Variants in MTM1 observed in about 807,000 individuals in gnomAD.
MTM1 encodes the protein myotubularin.
A neutral mutation model predicts 52.1 loss-of-function variants in MTM1; 9 were observed. That is an observed-to-expected ratio of 0.17 (90% confidence interval 0.10 to 0.30). The LOEUF is 0.30. Among genes scored for constraint, MTM1 ranks in the 10% least tolerant of loss-of-function variants. The probability of loss-of-function intolerance (pLI) is 1.00; values close to 1 mark genes in which losing one functional copy is unlikely to be tolerated. For missense variants in MTM1, 277 were observed against 470.7 expected, an observed-to-expected ratio of 0.59 and a Z score of 3.81; for synonymous variants, 136 against 163.8, an observed-to-expected ratio of 0.83 and a Z score of 1.29.
chrX:150,594,391 T>C (rs782416540), intron 2 of MTM1, among the ~76,000 whole-genome samples: 2 of 111,852 alleles, frequency 1.8e-5, no homozygotes, highest in South Asian at 7.5e-4. Flanking sequence ...ATTACAGGCA[T>C]GGACCACCAC....
At chrX:150,608,897 T>C in intron 4 of MTM1, among the ~76,000 whole-genome samples, 1 of 109,908 alleles carries the variant, frequency 9.1e-6, no homozygotes, top group Admixed American at 9.7e-5. Flanking sequence ...TGGTGTGATC[T>C]CGGCTCACTG....
rs1569565537 is a variant in MTM1 at position 150,663,524 on chromosome X, G to A, written c.1559G>A (p.Arg520Gln). Residue 520 changes from arginine to glutamine, a missense_variant, in exon 14 of 15, where the codon CGA becomes CAA. Physicochemically the swap from Arg to Gln is conservative, Grantham distance 43. Around this residue, in one of 4 missense-constraint regions of MTM1, gnomAD observed 59 missense variants for 107.8 expected, o/e 0.55. Transcript: ENST00000370396. Reference protein sequence around the residue: ...KNPFYTKEINRVLYPVASMRH... With the variant: ...KNPFYTKEINQVLYPVASMRH... The stretch of plus-strand genomic sequence containing the variant: ...CCCTTCTATACTAAAGAAATCAATC[G>A]AGTTTTATATCCAGTTGCCAGTATG... 2.5e-6 allele frequency: 3 copies of A among 1,211,321 alleles called. No individual in the cohort carries two copies. The highest frequency in any genetic ancestry group is 3.0e-5 in the East Asian group (1 of 33,841).
intron 10 of MTM1, among the ~76,000 whole-genome samples, chrX:150,653,855 G>A (rs781952211): frequency 5.4e-5 from 6 of 112,073 alleles, no homozygotes; most frequent in Non-Finnish European, 9.4e-5. Context: ...TGGCCTTCTT[G>A]GATGGCAGCT....
chrX:150,650,602 G>A (rs1488877579), intron 10 of MTM1, among the ~76,000 whole-genome samples: 1 of 110,955 alleles, frequency 9.0e-6, no homozygotes, highest in Non-Finnish European at 1.9e-5. Flanking sequence ...TTTAGCTCCT[G>A]CACTGAGCTA....
chrX:150,634,027 C>T lies in MTM1; in HGVS notation c.445-4916C>T, dbSNP rs1188471997. On this transcript the variant is annotated intron_variant, in intron 6 of 14. Transcript: ENST00000370396. ...TCCAGCGTGGGCGATAGAGCCAGGA[C>T]TCTGTCTCAAAAACAAAAAGAAGCA... 3.0e-4 allele frequency among the ~76,000 whole-genome samples: 34 copies of T among 112,528 alleles called. No homozygotes were observed. The Admixed American group carries it at 3.2e-3, about 11-fold the overall frequency.
rs782270067 is a variant in MTM1, at chrX:150,612,513, G to A, written c.232-2076G>A. 2.8e-5 allele frequency among the ~76,000 whole-genome samples: 3 copies of A among 107,097 alleles called. No homozygotes were observed. In the South Asian group the frequency reaches 1.2e-3, roughly 44 times the overall value. 93.0% of individuals were successfully genotyped at this position (107,097 alleles called of 115,157 possible). ...TTGAGACCAGCCTGGACAACATAGTGAGACCCCCCCACCATCTCTACAAAA... is the reference window on the plus strand; with the variant it reads ...TTGAGACCAGCCTGGACAACATAGTAAGACCCCCCCACCATCTCTACAAAA... On this transcript the variant is annotated intron_variant, in intron 4 of 14. Transcript: ENST00000370396.
At chrX:150,659,946 T>C (rs1305719118) in intron 12 of MTM1, among the ~76,000 whole-genome samples, 190 bp downstream of exon 12, 1 of 111,995 alleles carries the variant, frequency 8.9e-6, no homozygotes, top group African/African-American at 3.2e-5. Context: ...ACTATTGATA[T>C]ATCTGGGATT....
At chrX:150,604,526 G>A (rs1384900822) in intron 4 of MTM1, among the ~76,000 whole-genome samples, 1 of 110,922 alleles carries the variant, frequency 9.0e-6, no homozygotes, top group Non-Finnish European at 1.9e-5. Flanking sequence ...TCCCTCCCCC[G>A]AGTTCCTTCT....
chrX:150,622,359 G>A (rs1557413320), intron 6 of MTM1, among the ~76,000 whole-genome samples: 1 of 111,636 alleles, frequency 9.0e-6, no homozygotes, highest in Non-Finnish European at 1.9e-5. Context: ...CCTGCTTTTG[G>A]AATAGCAGTC....
chrX:150,618,609 A>C (rs222390), intron 5 of MTM1, among the ~76,000 whole-genome samples: 6,194 of 111,536 alleles, frequency 0.056, 156 homozygotes, highest in Non-Finnish European at 0.078. Flanking sequence ...AGCCGAGATC[A>C]TGCCACTACA....
intron 1 of MTM1, among the ~76,000 whole-genome samples, chrX:150,573,255 G>A (rs1363221576): frequency 8.9e-6 from 1 of 112,545 alleles, no homozygotes; most frequent in Non-Finnish European, 1.9e-5. Flanking sequence ...TGGTCAAACA[G>A]CAAATGAGAA....
At chrX:150,649,573 C>A in intron 9 of MTM1, 143 bp from the exon 10 acceptor site, 1 of 511,225 alleles carries the variant, frequency 2.0e-6, no homozygotes, top group Non-Finnish European at 3.3e-6. Context: ...TTGTTGTTGG[C>A]TAGGAAGTCA....
intron 6 of MTM1, among the ~76,000 whole-genome samples, chrX:150,626,464 C>T (rs782506112): frequency 4.5e-5 from 5 of 110,646 alleles, no homozygotes; most frequent in African/African-American, 1.3e-4. Flanking sequence ...CAGGTGCTCA[C>T]CACCACGCCC....
intron 6 of MTM1, among the ~76,000 whole-genome samples, chrX:150,635,215 G>A (rs990050638): frequency 4.5e-5 from 5 of 112,319 alleles, no homozygotes; most frequent in African/African-American, 1.6e-4. Flanking sequence ...GGACTGAATC[G>A]TTCTTGAATT....
chrX:150,583,627 AAT>A (rs2038690832), intron 1 of MTM1, among the ~76,000 whole-genome samples: 1 of 35,203 alleles, frequency 2.8e-5, no homozygotes, highest in African/African-American at 1.3e-4. Context: ...TATTATATAT[AAT>A]TTATATATAA....
At chrX:150,651,485 G>GT (rs56302527) in intron 10 of MTM1, among the ~76,000 whole-genome samples, 3,607 of 74,773 alleles carry the variant, frequency 0.048, 82 homozygotes, top group African/African-American at 0.068. Context: ...CAATTAGGTT[G>GT]TTTTTTTTTT....
At chrX:150,603,085 G>A (rs1176125355) in intron 4 of MTM1, among the ~76,000 whole-genome samples, 1 of 112,170 alleles carries the variant, frequency 8.9e-6, no homozygotes, top group Non-Finnish European at 1.9e-5. Flanking sequence ...ACCAACTCTT[G>A]AAGAATGGTA....
chrX:150,603,692 T>TA (rs782482941), intron 4 of MTM1, among the ~76,000 whole-genome samples: 1 of 112,139 alleles, frequency 8.9e-6, no homozygotes. Context: ...GGCATGGACT[T>TA]ACAGCTCTAC....
chrX:150,606,755 G>T (rs1557412833), intron 4 of MTM1, among the ~76,000 whole-genome samples: 3 of 109,908 alleles, frequency 2.7e-5, no homozygotes. Context: ...CATCATTTTT[G>T]ATTCTCCTTC....
Sources: gnomAD v4.1 joint callset for allele counts (sites outside exome capture counted in the v4.1 genomes callset) on GRCh38, gnomAD v4.1.1 for gene constraint, gnomAD v4.1.1 regional missense constraint, MANE v1.5 for transcripts, NCBI Gene and HGNC (gene_info 2026-07-23, HGNC 2026-07-21) for gene names.